Variants in NCAM2 observed in about 807,000 individuals in gnomAD.
The protein encoded by NCAM2 is neural cell adhesion molecule 2.
In NCAM2, 30 loss-of-function variants were observed where a neutral mutation model predicts 98.1. The observed-to-expected ratio is 0.31, with a 90% CI of 0.23 to 0.41. The LOEUF (loss-of-function observed/expected upper bound fraction) is 0.41. NCAM2 is among the 10% of genes least tolerant of loss of function. The pLI is 1.00. For synonymous variants in NCAM2, 368 were observed against 342.4 expected (o/e 1.07, Z -0.83); for missense variants, 867 against 1,005.8 (o/e 0.86, Z 1.87).
At chr21:21,446,848 A>G (rs1279830563) in intron 12 of NCAM2, among the ~76,000 whole-genome samples, 1 of 152,092 alleles carries the variant, frequency 6.6e-6, no homozygotes, top group East Asian at 1.9e-4. Context: ...TAACAAGGGA[A>G]TGTGAAGTAC....
intron 1 of NCAM2, among the ~76,000 whole-genome samples, chr21:21,066,240 C>T (rs1230092979): frequency 1.3e-5 from 2 of 152,130 alleles, no homozygotes; most frequent in African/African-American, 2.4e-5. Context: ...ATTTTATGGT[C>T]AGAGTTTCGT....
intron 12 of NCAM2, among the ~76,000 whole-genome samples, chr21:21,465,800 T>C (rs1030828633): frequency 6.6e-6 from 1 of 152,064 alleles, no homozygotes; most frequent in African/African-American, 2.4e-5. Context: ...CTGCTTTCTT[T>C]AGCAAAAGCA....
chr21:21,013,804 AAAG>A (rs1440812144), intron 1 of NCAM2, among the ~76,000 whole-genome samples: 4 of 152,000 alleles, frequency 2.6e-5, no homozygotes, highest in Non-Finnish European at 5.9e-5. Flanking sequence ...AGAAAATAAA[AAAG>A]AAATTGGTTC....
At chr21:21,358,714 T>C (rs1198031121) in intron 8 of NCAM2, among the ~76,000 whole-genome samples, 2 of 152,080 alleles carry the variant, frequency 1.3e-5, no homozygotes. Flanking sequence ...ATTTATCTGC[T>C]CTGTGATAGC....
intron 12 of NCAM2, among the ~76,000 whole-genome samples, chr21:21,445,685 T>C (rs973455892): frequency 6.6e-6 from 1 of 152,186 alleles, no homozygotes; most frequent in Non-Finnish European, 1.5e-5. Context: ...TGGTAAATTT[T>C]CCTCCATCCC....
intron 8 of NCAM2, among the ~76,000 whole-genome samples, chr21:21,354,829 T>C (rs1350484412): frequency 7.4e-5 from 1 of 13,580 alleles, no homozygotes; most frequent in Non-Finnish European, 1.3e-4. Context: ...TTCCAGTCCT[T>C]AGCACTAAAT....
intron 1 of NCAM2, among the ~76,000 whole-genome samples, chr21:21,266,870 T>A (rs2072302733): frequency 6.6e-6 from 1 of 152,060 alleles, no homozygotes; most frequent in Non-Finnish European, 1.5e-5. Context: ...TAAAGTATAA[T>A]AAAAAATAAT....
At chr21:21,071,602 AG>A (rs2065565295) in intron 1 of NCAM2, among the ~76,000 whole-genome samples, 1 of 152,212 alleles carries the variant, frequency 6.6e-6, no homozygotes, top group Non-Finnish European at 1.5e-5. Flanking sequence ...GTATAGAGTT[AG>A]AAGTTAAATT....
chr21:21,127,910 A>T (rs1270505631), intron 1 of NCAM2, among the ~76,000 whole-genome samples: 1 of 152,204 alleles, frequency 6.6e-6, no homozygotes, highest in Non-Finnish European at 1.5e-5. Context: ...TCCTTAAATA[A>T]CACACAATTA....
intron 16 of NCAM2, among the ~76,000 whole-genome samples, chr21:21,518,616 T>C (rs1299715027): frequency 6.6e-6 from 1 of 151,390 alleles, no homozygotes; most frequent in Non-Finnish European, 1.5e-5. Context: ...ATAAATATTA[T>C]ATATAATAAC....
intron 1 of NCAM2, among the ~76,000 whole-genome samples, chr21:21,215,557 A>G (rs1275172790): frequency 1.3e-4 from 20 of 151,894 alleles, no homozygotes. Context: ...CACCTCTACT[A>G]AAAACAAAAA....
chr21:21,024,726 A>T (rs1008616886), intron 1 of NCAM2, among the ~76,000 whole-genome samples: 1 of 152,000 alleles, frequency 6.6e-6, no homozygotes, highest in Non-Finnish European at 1.5e-5. Flanking sequence ...AAATACAGAA[A>T]AAGAAAAAAA....
At chr21:21,024,495 T>C (rs2064500706) in intron 1 of NCAM2, among the ~76,000 whole-genome samples, 1 of 152,194 alleles carries the variant, frequency 6.6e-6, no homozygotes, top group African/African-American at 2.4e-5. Flanking sequence ...CTTAAAGGTA[T>C]AAATGACTTC....
rs187828423 is a variant in NCAM2 at position 21,510,958 on chromosome 21, T to C, written c.2282+1903T>C. On this transcript the variant is annotated intron_variant, in intron 16 of 17. Transcript: ENST00000400546. ...CGTGCTAAGCAATATCCTGACTTCATAGCACCATAGATTACTTTTTCCTGT... is the reference window on the plus strand; with the variant it reads ...CGTGCTAAGCAATATCCTGACTTCACAGCACCATAGATTACTTTTTCCTGT... Among the ~76,000 whole-genome samples the C allele has an allele frequency of 8.5e-5, 13 of 152,132 alleles. No individual in the cohort carries two copies. The East Asian group carries it at 1.5e-3, about 18-fold the overall frequency.
At chr21:21,281,411 A>G (rs1035468026) in intron 2 of NCAM2, among the ~76,000 whole-genome samples, 3 of 152,136 alleles carry the variant, frequency 2.0e-5, no homozygotes, top group Non-Finnish European at 2.9e-5. Flanking sequence ...TCTAATATTC[A>G]TTGAAGAAAT....
chr21:21,536,672 G>A (rs1990000582), intron 17 of NCAM2, among the ~76,000 whole-genome samples: 1 of 152,046 alleles, frequency 6.6e-6, no homozygotes, highest in Non-Finnish European at 1.5e-5. Flanking sequence ...TTAGAGGCGT[G>A]AGCCACTGCG....
chr21:21,041,280 T>C (rs528982071), intron 1 of NCAM2, among the ~76,000 whole-genome samples: 1 of 152,282 alleles, frequency 6.6e-6, no homozygotes, highest in Admixed American at 6.5e-5. Context: ...GGTAAGTCTT[T>C]TGGACGGTGT....
intron 1 of NCAM2, among the ~76,000 whole-genome samples, chr21:21,265,641 A>C (rs1258070060): frequency 1.3e-5 from 2 of 151,502 alleles, no homozygotes; most frequent in Non-Finnish European, 2.9e-5. Flanking sequence ...CCATTATCCT[A>C]TGTGAAATAA....
At chr21:21,504,753 A>C (rs887522476) in intron 15 of NCAM2, among the ~76,000 whole-genome samples, 1 of 151,754 alleles carries the variant, frequency 6.6e-6, no homozygotes, top group Non-Finnish European at 1.5e-5. Flanking sequence ...ATAGAACATA[A>C]CTTTCAAAAG....
Sources: allele counts gnomAD v4.1 joint callset (sites outside exome capture counted in the v4.1 genomes callset), GRCh38; gene constraint gnomAD v4.1.1; transcripts MANE v1.5; gene names NCBI Gene and HGNC (gene_info 2026-07-23, HGNC 2026-07-21).